The following CSNK1A1 variants were observed in gnomAD, a reference collection of about 807,000 sequenced individuals.
CSNK1A1 encodes the protein casein kinase 1 alpha 1.
CSNK1A1 carries 7 observed loss-of-function variants against 46.1 expected under a neutral mutation model. The ratio of observed to expected loss-of-function variants is 0.15; its 90% CI spans 0.09 to 0.29. The LOEUF is 0.29. Ranked by LOEUF, CSNK1A1 falls within the 10% of genes least tolerant of loss-of-function variation. The probability of loss-of-function intolerance (pLI) is 1.00; values close to 1 mark genes in which losing one functional copy is unlikely to be tolerated. For missense variants in CSNK1A1, 96 were observed against 417.1 expected, an observed-to-expected ratio of 0.23 and a Z score of 6.71; for synonymous variants, 137 against 141.5, an observed-to-expected ratio of 0.97 and a Z score of 0.23.
At chr5:149,536,598 A>G (rs1762069447) in intron 2 of CSNK1A1, among the ~76,000 whole-genome samples, 1 of 152,228 alleles carries the variant, frequency 6.6e-6, no homozygotes, top group Admixed American at 6.5e-5. Flanking sequence ...CTGCAAACAT[A>G]CAGCAAAGGG....
intron 9 of CSNK1A1, chr5:149,501,291 G>C: frequency 1.0e-6 from 1 of 985,318 alleles, no homozygotes; most frequent in East Asian, 1.1e-4. Flanking sequence ...AAAAATTCAA[G>C]ATTTCAGCAA....
intron 4 of CSNK1A1, among the ~76,000 whole-genome samples, chr5:149,519,818 A>G (rs1381535870): frequency 6.6e-6 from 1 of 152,196 alleles, no homozygotes; most frequent in East Asian, 1.9e-4. Flanking sequence ...CTCATTATCA[A>G]CCATGCTCAG....
intron 9 of CSNK1A1, 174 bp downstream of exon 9, chr5:149,505,273 T>G: frequency 7.1e-7 from 1 of 1,400,048 alleles, no homozygotes; most frequent in Non-Finnish European, 9.3e-7. Context: ...ACAAGGACAT[T>G]TGGGTTTAAA....
At chr5:149,534,377 G>A (rs901572773) in intron 2 of CSNK1A1, among the ~76,000 whole-genome samples, 3 of 151,032 alleles carry the variant, frequency 2.0e-5, no homozygotes, top group African/African-American at 4.9e-5. Context: ...AGCTACTCTC[G>A]GGAGGCTGAG....
At chr5:149,497,526 G>T in intron 9 of CSNK1A1, 2 of 985,490 alleles carry the variant, frequency 2.0e-6, no homozygotes, top group Non-Finnish European at 2.4e-6. Flanking sequence ...ACCACAAGTA[G>T]ACCCTAGGGC....
intron 2 of CSNK1A1, among the ~76,000 whole-genome samples, chr5:149,544,965 G>A (rs1012758855): frequency 1.3e-3 from 196 of 151,004 alleles, no homozygotes; most frequent in Non-Finnish European, 1.9e-3. Context: ...GTGAAACCCC[G>A]TCTCTACTAA....
At chr5:149,522,049 T>C (rs531055247) in intron 3 of CSNK1A1, among the ~76,000 whole-genome samples, 19 of 152,280 alleles carry the variant, frequency 1.2e-4, no homozygotes, top group African/African-American at 1.9e-4. Flanking sequence ...TGTAAACAAA[T>C]TTAAATTATT....
rs1280252574 is a variant in CSNK1A1, at chr5:149,493,818, T to C, written c.*3035A>G. 3.9e-5 allele frequency: 6 copies of C among 152,214 alleles called. No individual in the cohort carries two copies. The highest frequency in any genetic ancestry group is 1.9e-4 in the East Asian group (1 of 5,202). 9.4% of individuals were successfully genotyped at this position (152,214 alleles called of 1,614,324 possible). The stretch of plus-strand genomic sequence containing the variant: ...CACCACTTCTTTACTATACTTCATA[T>C]AGATGTCCTCACATCTTGATTTACA... On this transcript the variant is annotated 3_prime_UTR_variant, in exon 10 of 10. Transcript: ENST00000377843.
chr5:149,550,993 C>G lies in CSNK1A1; in HGVS notation c.-29G>C. On this transcript the variant is annotated 5_prime_UTR_variant, in exon 1 of 10. Transcript: ENST00000377843. The surrounding 1 kb of genome is among the most constrained non-coding windows in gnomAD (Gnocchi z 4.3). ...GAGAGACGAAGATGGAGGCTGGGGC[C>G]AAGCCCCGACACCTCTGGGAAGAGG... The G allele has an allele frequency of 6.2e-7, 1 of 1,613,072 alleles. No homozygotes were observed. Among genetic ancestry groups the G allele is most frequent in the Non-Finnish European group, 8.5e-7 (1 of 1,179,720 alleles).
intron 3 of CSNK1A1, among the ~76,000 whole-genome samples, chr5:149,521,875 T>A (rs1761582313): frequency 6.6e-6 from 1 of 152,162 alleles, no homozygotes; most frequent in Non-Finnish European, 1.5e-5. Flanking sequence ...CCCAAAGAGC[T>A]GGGATTACAG....
rs1043664000 is a variant in CSNK1A1 at position 149,498,301 on chromosome 5, A to C, written c.1007-1441T>G. Reference sequence around the variant, plus strand: ...AATAGATCTTTGTTGCCTGGGTACTAAGTCCATAAGCACCAAATGCCAAAA... The same window carrying C: ...AATAGATCTTTGTTGCCTGGGTACTCAGTCCATAAGCACCAAATGCCAAAA... On this transcript the variant is annotated intron_variant, in intron 9 of 9. Transcript: ENST00000377843. 109 of 985,390 alleles carry C rather than the reference A, an allele frequency of 1.1e-4. 1 individual carries two copies. In the African/African-American group the frequency reaches 1.6e-3, roughly 15 times the overall value. The allele number at this position is 985,390 out of a possible 1,614,324, so 61.0% of individuals were successfully genotyped here.
chr5:149,520,214 G>T, intron 4 of CSNK1A1, 76 bp downstream of exon 4: 1 of 912,742 alleles, frequency 1.1e-6, no homozygotes, highest in Non-Finnish European at 1.7e-6. Flanking sequence ...CTTTTTAAAA[G>T]ATTGAAAAGT....
At chr5:149,541,982 A>AG (rs1554117777) in intron 2 of CSNK1A1, among the ~76,000 whole-genome samples, 2 of 151,116 alleles carry the variant, frequency 1.3e-5, no homozygotes, top group African/African-American at 4.9e-5. Flanking sequence ...AAAAAAAAAA[A>AG]AAAAAAAAAA....
chr5:149,537,791 TTAAC>T (rs1215951902), intron 2 of CSNK1A1, among the ~76,000 whole-genome samples: 1 of 122,574 alleles, frequency 8.2e-6, no homozygotes, highest in Non-Finnish European at 1.8e-5. Context: ...ACTGTTGCAA[TTAAC>T]TAAGGCAATC....
intron 7 of CSNK1A1, among the ~76,000 whole-genome samples, chr5:149,507,777 G>T (rs1761084914): frequency 6.6e-6 from 1 of 152,130 alleles, no homozygotes; most frequent in South Asian, 2.1e-4. Context: ...CCAGCCTTCA[G>T]AAGTTTCTAA....
intron 3 of CSNK1A1, among the ~76,000 whole-genome samples, chr5:149,524,712 T>C (rs1434199402): frequency 6.6e-6 from 1 of 152,186 alleles, no homozygotes; most frequent in African/African-American, 2.4e-5. Flanking sequence ...TTAACCAAAA[T>C]GTCAATAAAC....
At chr5:149,534,264 A>G (rs1391486743) in intron 2 of CSNK1A1, among the ~76,000 whole-genome samples, 3 of 151,474 alleles carry the variant, frequency 2.0e-5, no homozygotes, top group South Asian at 2.1e-4. Flanking sequence ...GGCGAATCAC[A>G]AGGTCAAGAG....
chr5:149,515,280 G>A (rs1188329072), intron 4 of CSNK1A1, among the ~76,000 whole-genome samples: 1 of 152,170 alleles, frequency 6.6e-6, no homozygotes, highest in African/African-American at 2.4e-5. Flanking sequence ...GCTCTGACAT[G>A]AGTATGTCTA....
In CSNK1A1 at chr5:149,550,010, G is replaced by A; in HGVS notation, c.230+65C>T. 6.4e-7 allele frequency: 1 copy of A among 1,562,324 alleles called. No individual in the cohort carries two copies. On this transcript the variant is annotated intron_variant, in intron 2 of 9. Transcript: ENST00000377843. The surrounding 1 kb of genome is among the most constrained non-coding windows in gnomAD (Gnocchi z 4.3). ...CCGGATTCAGCTGGTCTCATTACCTGCCTCTACCCACTTCCCCATTCCGTG... is the reference window on the plus strand; with the variant it reads ...CCGGATTCAGCTGGTCTCATTACCTACCTCTACCCACTTCCCCATTCCGTG...
Sources: gnomAD v4.1 joint callset for allele counts (sites outside exome capture counted in the v4.1 genomes callset) on GRCh38, gnomAD v4.1.1 for gene constraint, Gnocchi (gnomAD v3.1) non-coding constraint, MANE v1.5 for transcripts, NCBI Gene and HGNC (gene_info 2026-07-23, HGNC 2026-07-21) for gene names.